Variants in HS3ST5 observed in about 807,000 individuals in gnomAD.
HS3ST5 encodes the protein heparan sulfate-glucosamine 3-sulfotransferase 5.
Under a neutral mutation model 25.4 loss-of-function variants are expected in HS3ST5, and 10 were observed. The ratio of observed to expected loss-of-function variants is 0.39; its 90% CI spans 0.24 to 0.67. The LOEUF is 0.67. HS3ST5 is among the 30% of genes least tolerant of loss of function. The probability of loss-of-function intolerance (pLI) is 0.44; values close to 1 mark genes in which losing one functional copy is unlikely to be tolerated. For synonymous variants in HS3ST5, 170 were observed against 162.4 expected (o/e 1.05, Z -0.36); for missense variants, 324 against 420.7 (o/e 0.77, Z 2.01).
At chr6:114,338,043 A>G (rs1776675561) in intron 1 of HS3ST5, among the ~76,000 whole-genome samples, 1 of 152,118 alleles carries the variant, frequency 6.6e-6, no homozygotes, top group South Asian at 2.1e-4. Context: ...AGCTCTTTGG[A>G]CATTGTCAGG....
chr6:114,250,521 CA>C (rs1238022505), intron 1 of HS3ST5, among the ~76,000 whole-genome samples: 1 of 150,398 alleles, frequency 6.6e-6, no homozygotes, highest in Non-Finnish European at 1.5e-5. Context: ...GCAGAGCTTG[CA>C]GTGAGCCAAG....
chr6:114,335,307 C>CCA (rs765294807), intron 1 of HS3ST5, among the ~76,000 whole-genome samples: 6 of 128,648 alleles, frequency 4.7e-5, no homozygotes, highest in African/African-American at 1.4e-4. Context: ...AAATGAGTGG[C>CCA]AAAAAAAAAA....
At chr6:114,222,172 T>TG (rs1782074658) in intron 2 of HS3ST5, among the ~76,000 whole-genome samples, 1 of 151,914 alleles carries the variant, frequency 6.6e-6, no homozygotes, top group African/African-American at 2.4e-5. Flanking sequence ...TCTCATATCT[T>TG]GTCATATTGT....
intron 3 of HS3ST5, among the ~76,000 whole-genome samples, chr6:114,079,668 G>T (rs1774337695): frequency 2.0e-5 from 3 of 152,214 alleles, no homozygotes; most frequent in Non-Finnish European, 2.9e-5. Flanking sequence ...CTTAATAGCA[G>T]CTAGAATGGT....
At chr6:114,194,548 G>A (rs1414296464) in intron 2 of HS3ST5, among the ~76,000 whole-genome samples, 1 of 152,146 alleles carries the variant, frequency 6.6e-6, no homozygotes, top group Non-Finnish European at 1.5e-5. Context: ...CCCTTTTGTG[G>A]TTTTGGCACA....
chr6:114,177,551 CT>C (rs1277398796), intron 2 of HS3ST5, among the ~76,000 whole-genome samples: 1 of 152,170 alleles, frequency 6.6e-6, no homozygotes, highest in African/African-American at 2.4e-5. Flanking sequence ...TGCCTTATTT[CT>C]AAAGTATGAT....
At chr6:114,169,292 A>AACAC (rs367564397) in intron 2 of HS3ST5, among the ~76,000 whole-genome samples, 2,599 of 150,988 alleles carry the variant, frequency 0.017, 35 homozygotes, top group East Asian at 0.062. Context: ...TTTAGGGTAC[A>AACAC]ACACACACAC....
At chr6:114,247,610 C>A (rs746326075) in intron 1 of HS3ST5, among the ~76,000 whole-genome samples, 1 of 151,804 alleles carries the variant, frequency 6.6e-6, no homozygotes, top group African/African-American at 2.4e-5. Flanking sequence ...AAAAGCTATT[C>A]CTTCATGTTT....
chr6:114,255,297 G>A (rs1045796740), intron 1 of HS3ST5, among the ~76,000 whole-genome samples: 1 of 152,202 alleles, frequency 6.6e-6, no homozygotes, highest in Admixed American at 6.5e-5. Context: ...GTAAGAGGTG[G>A]CTTCCTATGG....
Position 114,339,346 on chromosome 6 carries a change from C to A in HS3ST5, c.-339+2849G>T, listed in dbSNP as rs775862368. ...AGGGTGCCTACAATAAATAGACCAT[C>A]CTGCTAGACATGTCAAGAGCATCAA... On this transcript the variant is annotated intron_variant, in intron 1 of 4. Coordinates refer to ENST00000312719, the MANE Select transcript of HS3ST5 (RefSeq NM_153612.4). Among the ~76,000 whole-genome samples, 64 of 152,128 alleles carry A rather than the reference C, an allele frequency of 4.2e-4. 1 individual carries two copies. Among genetic ancestry groups the A allele is most frequent in the Non-Finnish European group, 7.6e-4 (52 of 67,980 alleles).
chr6:114,335,454 T>C (rs954515698), intron 1 of HS3ST5, among the ~76,000 whole-genome samples: 3 of 152,158 alleles, frequency 2.0e-5, no homozygotes, highest in African/African-American at 7.2e-5. Flanking sequence ...CAGAAGAAAT[T>C]TGTGTAACCT....
chr6:114,071,929 C>T (rs1028089041), intron 3 of HS3ST5, among the ~76,000 whole-genome samples: 1 of 151,934 alleles, frequency 6.6e-6, no homozygotes, highest in Non-Finnish European at 1.5e-5. Flanking sequence ...ATGTGAGAAG[C>T]CCCCACCTGA....
At chr6:114,293,672 A>G (rs888157420) in intron 1 of HS3ST5, among the ~76,000 whole-genome samples, 2 of 152,242 alleles carry the variant, frequency 1.3e-5, no homozygotes, top group East Asian at 1.9e-4. Flanking sequence ...ACATAAGAGC[A>G]TATAAAATCA....
Position 114,342,365 on chromosome 6 carries a change from A to G in HS3ST5, c.-509T>C. On this transcript the variant is annotated 5_prime_UTR_variant, in exon 1 of 5. Coordinates refer to ENST00000312719, the MANE Select transcript of HS3ST5 (RefSeq NM_153612.4). ...AGCGAGTCGGCGTGAATGAGAGCAA[A>G]CCAACAGGGCTGTGCGTGGCGCGTG... 1 of 165,836 alleles carries G rather than the reference A, an allele frequency of 6.0e-6. No individual in the cohort carries two copies. Among genetic ancestry groups the G allele is most frequent in the East Asian group, 1.8e-4 (1 of 5,620 alleles). 10.3% of individuals were successfully genotyped at this position (165,836 alleles called of 1,614,324 possible). A position where few individuals can be genotyped will look rare whatever the true frequency, so the allele number is the denominator to read the frequency against.
chr6:114,216,145 T>C (rs1781751495), intron 2 of HS3ST5, among the ~76,000 whole-genome samples: 1 of 152,122 alleles, frequency 6.6e-6, no homozygotes, highest in Non-Finnish European at 1.5e-5. Flanking sequence ...CCCAGAGAGG[T>C]GTTTTGACAT....
At chr6:114,105,798 C>A (rs1202310607) in intron 3 of HS3ST5, among the ~76,000 whole-genome samples, 1 of 152,140 alleles carries the variant, frequency 6.6e-6, no homozygotes, top group Non-Finnish European at 1.5e-5. Context: ...CATAACTGGG[C>A]ATAACTCTTG....
At chr6:114,172,397 C>T (rs866428044) in intron 2 of HS3ST5, among the ~76,000 whole-genome samples, 5 of 152,290 alleles carry the variant, frequency 3.3e-5, no homozygotes, top group South Asian at 4.1e-4. Context: ...GTAATCAAAG[C>T]CAATTATCTA....
chr6:114,057,301 G>T lies in HS3ST5; in HGVS notation c.997C>A (p.Gln333Lys), dbSNP rs148652164. The T allele has an allele frequency of 6.7e-5, 108 of 1,613,742 alleles. No individual in the cohort carries two copies. Among genetic ancestry groups the T allele is most frequent in the Non-Finnish European group, 7.5e-5 (89 of 1,179,888 alleles). Residue 333 changes from glutamine to lysine, a missense_variant, in exon 5 of 5, where the codon CAA becomes AAA. Gln to Lys is a moderately conservative substitution (Grantham distance 53). This residue lies in a region of HS3ST5 where 203 missense variants were observed against 303.4 expected (regional missense o/e 0.67). Transcript: ENST00000312719. Reference sequence around the variant, plus strand: ...CTCCCAGTGATCTGGTAAAATTTTTGATTAAAAGGATGAAAGAATTTGCGC... The same window carrying T: ...CTCCCAGTGATCTGGTAAAATTTTTTATTAAAAGGATGAAAGAATTTGCGC... ...KLRKFFHPFN[Q>K]KFYQITGRTL...
At chr6:114,177,816 C>A (rs1779793022) in intron 2 of HS3ST5, among the ~76,000 whole-genome samples, 1 of 152,090 alleles carries the variant, frequency 6.6e-6, no homozygotes, top group Non-Finnish European at 1.5e-5. Context: ...TAAAATTATA[C>A]CTTTTCCATG....
Sources: gnomAD v4.1 joint callset for allele counts (sites outside exome capture counted in the v4.1 genomes callset) on GRCh38, gnomAD v4.1.1 for gene constraint, gnomAD v4.1.1 regional missense constraint, MANE v1.5 for transcripts, NCBI Gene and HGNC (gene_info 2026-07-23, HGNC 2026-07-21) for gene names.